Variants in WWOX observed in about 807,000 individuals in gnomAD.
WWOX encodes WW domain containing oxidoreductase.
WWOX carries 69 observed loss-of-function variants against 46.2 expected under a neutral mutation model. That is an observed-to-expected ratio of 1.49 (90% CI 1.23 to 1.82). The LOEUF (loss-of-function observed/expected upper bound fraction) is 1.82. WWOX is among the 40% of genes most tolerant of loss of function. The probability of loss-of-function intolerance (pLI) is 0.00; values close to 1 mark genes in which losing one functional copy is unlikely to be tolerated. For synonymous variants in WWOX, 359 were observed against 202.6 expected (o/e 1.77, Z -6.56); for missense variants, 919 against 542.6 (o/e 1.69, Z -6.89).
At chr16:79,065,753 A>C (rs529563001) in intron 8 of WWOX, among the ~76,000 whole-genome samples, 1 of 152,282 alleles carries the variant, frequency 6.6e-6, no homozygotes, top group African/African-American at 2.4e-5. Context: ...TTTAAGATTA[A>C]AGTATAAACT....
intron 8 of WWOX, among the ~76,000 whole-genome samples, chr16:78,850,161 T>G (rs2052406484): frequency 6.6e-6 from 1 of 152,068 alleles, no homozygotes; most frequent in African/African-American, 2.4e-5. Context: ...TGAGTGTGTG[T>G]GAGTGTGTGT....
At chr16:78,100,178 TA>T (rs1713397613) in intron 1 of WWOX, 3 of 1,255,834 alleles carry the variant, frequency 2.4e-6, no homozygotes, top group Non-Finnish European at 3.0e-6. Flanking sequence ...CGCCAAAAAA[TA>T]AAGATGTTTT....
chr16:78,759,499 G>C (rs183367371), intron 8 of WWOX, among the ~76,000 whole-genome samples: 2 of 152,130 alleles, frequency 1.3e-5, no homozygotes, highest in African/African-American at 4.8e-5. Context: ...TTGACATACA[G>C]TGTCATCAAG....
chr16:78,676,751 C>G (rs187096129), intron 8 of WWOX, among the ~76,000 whole-genome samples: 3 of 152,264 alleles, frequency 2.0e-5, no homozygotes, highest in African/African-American at 7.2e-5. Flanking sequence ...TCAGCTAAGT[C>G]TTCTTTTATT....
At chr16:78,649,227 C>T (rs973103832) in intron 8 of WWOX, among the ~76,000 whole-genome samples, 7 of 152,154 alleles carry the variant, frequency 4.6e-5, no homozygotes, top group African/African-American at 1.7e-4. Context: ...TCAAATGATC[C>T]AACCGCCTCG....
chr16:78,292,164 A>G (rs1464795473), intron 5 of WWOX, among the ~76,000 whole-genome samples: 1 of 151,514 alleles, frequency 6.6e-6, no homozygotes, highest in Non-Finnish European at 1.5e-5. Flanking sequence ...TTTTTTACAG[A>G]AAAAGTTTGC....
At chr16:79,070,268 A>ATTGTGTGTG (rs2048523974) in intron 8 of WWOX, among the ~76,000 whole-genome samples, 1 of 145,096 alleles carries the variant, frequency 6.9e-6, no homozygotes, top group African/African-American at 2.6e-5. Flanking sequence ...TGTGTTTCTG[A>ATTGTGTGTG]TGTGTGTGTG....
chr16:78,515,712 G>A (rs113067276), intron 8 of WWOX, among the ~76,000 whole-genome samples: 213 of 152,278 alleles, frequency 1.4e-3, no homozygotes, highest in African/African-American at 4.7e-3. Context: ...GCCAGACTGC[G>A]CGTTGCCCGT....
At chr16:78,250,557 A>T (rs2037957499) in intron 5 of WWOX, among the ~76,000 whole-genome samples, 1 of 152,162 alleles carries the variant, frequency 6.6e-6, no homozygotes, top group Non-Finnish European at 1.5e-5. Context: ...AGGTGCTGTC[A>T]TGCTGAACCC....
chr16:78,717,671 A>C (rs113108321), intron 8 of WWOX, among the ~76,000 whole-genome samples: 1 of 152,208 alleles, frequency 6.6e-6, no homozygotes, highest in Admixed American at 6.5e-5. Flanking sequence ...GGGTTTTCCA[A>C]GAAGAGGCAC....
chr16:78,415,123 A>T (rs1279296952), intron 6 of WWOX, among the ~76,000 whole-genome samples: 9 of 149,144 alleles, frequency 6.0e-5, no homozygotes, highest in Non-Finnish European at 1.0e-4. Context: ...TATATATTTT[A>T]TGTAACTATA....
chr16:78,400,197 ATAT>A (rs1373501530), intron 6 of WWOX, among the ~76,000 whole-genome samples: 49 of 152,308 alleles, frequency 3.2e-4, no homozygotes, highest in African/African-American at 1.1e-3. Flanking sequence ...ATTTGAGCTG[ATAT>A]TATGCAATAA....
intron 4 of WWOX, among the ~76,000 whole-genome samples, chr16:78,138,276 T>A (rs2033869259): frequency 5.3e-5 from 8 of 150,944 alleles, no homozygotes; most frequent in South Asian, 2.1e-4. Context: ...TTAGTTTAAT[T>A]AAAATTATTT....
chr16:78,652,207 C>T (rs143576525), intron 8 of WWOX, among the ~76,000 whole-genome samples: 11 of 151,424 alleles, frequency 7.3e-5, no homozygotes, highest in African/African-American at 2.2e-4. Flanking sequence ...GTCAAGAGAT[C>T]GAGACCATCC....
chr16:79,010,123 G>T (rs1257036378), intron 8 of WWOX, among the ~76,000 whole-genome samples: 2 of 152,150 alleles, frequency 1.3e-5, no homozygotes, highest in African/African-American at 4.8e-5. Context: ...CCTTACTCAT[G>T]CCTAGACTTC....
chr16:79,169,183 C>T (rs1014996283), intron 8 of WWOX, among the ~76,000 whole-genome samples: 1 of 152,196 alleles, frequency 6.6e-6, no homozygotes, highest in Admixed American at 6.5e-5. Flanking sequence ...CATTAAATAA[C>T]ATGTCCAAAG....
chr16:78,828,234 G>A (rs2051716931), intron 8 of WWOX, among the ~76,000 whole-genome samples: 1 of 152,318 alleles, frequency 6.6e-6, no homozygotes, highest in South Asian at 2.1e-4. Flanking sequence ...CCCTGTCACA[G>A]TGGCAAAGAC....
At chr16:79,090,825 CT>C (rs998682977) in intron 8 of WWOX, among the ~76,000 whole-genome samples, 38 of 152,216 alleles carry the variant, frequency 2.5e-4, no homozygotes, top group African/African-American at 9.1e-4. Context: ...TTTTGTTTTT[CT>C]TTTTTTGAGA....
rs946410443 is a variant in WWOX at position 79,059,968 on chromosome 16, T to C, written c.1057-151640T>C. ...ACTGAGAGGTCATTCATTTAAAGTT[T>C]GTCCTTGGCAATTCCTTATTGAATA... On this transcript the variant is annotated intron_variant, in intron 8 of 8. Transcript: ENST00000566780. Among the ~76,000 whole-genome samples the C allele has an allele frequency of 1.9e-4, 29 of 152,238 alleles. 1 individual carries two copies. Among genetic ancestry groups the C allele is most frequent in the African/African-American group, 7.0e-4 (29 of 41,454 alleles).
Sources: gnomAD v4.1 joint callset for allele counts (sites outside exome capture counted in the v4.1 genomes callset) on GRCh38, gnomAD v4.1.1 for gene constraint, MANE v1.5 for transcripts, NCBI Gene and HGNC (gene_info 2026-07-23, HGNC 2026-07-21) for gene names.